The following IGF2R variants were observed in gnomAD, a reference collection of about 807,000 sequenced individuals.
IGF2R encodes cation-independent mannose-6-phosphate receptor.
Under a neutral mutation model 270.6 loss-of-function variants are expected in IGF2R, and 91 were observed. The ratio of observed to expected loss-of-function variants is 0.34; its 90% CI spans 0.28 to 0.40. IGF2R has a LOEUF of 0.40. Among genes scored for constraint, IGF2R ranks in the 10% least tolerant of loss-of-function variants. The pLI, the probability that IGF2R is intolerant of heterozygous loss-of-function variation, is 1.00. For synonymous variants in IGF2R, 1,316 were observed against 1,258.9 expected (o/e 1.05, Z -0.96); for missense variants, 2,805 against 3,188.3 (o/e 0.88, Z 2.90).
In IGF2R at chr6:160,043,303, G is replaced by A; in HGVS notation, c.1621+15G>A. ...GTGTGCAGTGGGTGAGTTGTGCCTG[G>A]ATGGAAGATCTAGGTGATGCTTTTC... On this transcript the variant is annotated intron_variant, in intron 12 of 47. Coordinates refer to ENST00000356956, the MANE Select transcript of IGF2R (RefSeq NM_000876.4). The A allele has an allele frequency of 6.2e-7, 1 of 1,609,492 alleles. No individual in the cohort carries two copies.
intron 29 of IGF2R, among the ~76,000 whole-genome samples, chr6:160,066,107 C>T (rs910644478): frequency 7.9e-5 from 12 of 151,282 alleles, no homozygotes; most frequent in Non-Finnish European, 4.4e-5. Flanking sequence ...CTCCGCCTCC[C>T]GGGTTCAAGT....
intron 1 of IGF2R, among the ~76,000 whole-genome samples, chr6:159,976,251 T>A (rs1783692342): frequency 6.6e-6 from 1 of 152,164 alleles, no homozygotes; most frequent in African/African-American, 2.4e-5. Context: ...ATTTTGGTAA[T>A]CTCTATTTTC....
chr6:160,039,352 A>G (rs1777892339), intron 10 of IGF2R, among the ~76,000 whole-genome samples: 2 of 152,182 alleles, frequency 1.3e-5, no homozygotes. Context: ...TTTTGAGGCT[A>G]CCGTTTTATA....
chr6:160,008,434 C>T (rs8191726), intron 2 of IGF2R, among the ~76,000 whole-genome samples: 213 of 152,230 alleles, frequency 1.4e-3, no homozygotes, highest in African/African-American at 4.8e-3. Context: ...CTATGCCAAC[C>T]CCCATCATGT....
At chr6:159,986,426 GTGTGTTTTT>G (rs1008085664) in intron 1 of IGF2R, among the ~76,000 whole-genome samples, 1 of 111,956 alleles carries the variant, frequency 8.9e-6, no homozygotes, top group African/African-American at 3.3e-5. Flanking sequence ...GTGTGTGTGT[GTGTGTTTTT>G]TTTTTTTTTT....
At chr6:160,093,081 A>G (rs1186442745) in intron 44 of IGF2R, 4 of 152,794 alleles carry the variant, frequency 2.6e-5, no homozygotes, top group Admixed American at 2.6e-4. Flanking sequence ...ACCAAGATGC[A>G]CACAGGGCAG....
rs1474261018 is a variant in IGF2R at position 160,078,191 on chromosome 6, C to A, written c.5317-10C>A. 1 of 1,613,688 alleles carries A rather than the reference C, an allele frequency of 6.2e-7. No individual in the cohort carries two copies. Among genetic ancestry groups the A allele is most frequent in the South Asian group, 1.1e-5 (1 of 91,060 alleles). On this transcript the variant is annotated splice_polypyrimidine_tract_variant and intron_variant, in intron 36 of 47. Transcript: ENST00000356956. Reference sequence around the variant, plus strand: ...GGGGTTTTTAAGACCCGTGCTCTTCCTGGCAACAGGGAACGCCTAAGCTGT... The same window carrying A: ...GGGGTTTTTAAGACCCGTGCTCTTCATGGCAACAGGGAACGCCTAAGCTGT...
At chr6:160,036,265 A>C (rs1441896305) in intron 10 of IGF2R, among the ~76,000 whole-genome samples, 1 of 152,032 alleles carries the variant, frequency 6.6e-6, no homozygotes, top group Non-Finnish European at 1.5e-5. Context: ...CTTCTCCATC[A>C]TTCTCTCATC....
intron 31 of IGF2R, among the ~76,000 whole-genome samples, chr6:160,070,923 C>G (rs933908254): frequency 5.3e-5 from 8 of 152,196 alleles, no homozygotes; most frequent in Non-Finnish European, 7.3e-5. Flanking sequence ...TCATGAGCTG[C>G]TGGGGCCTCT....
At chr6:159,979,230 A>T (rs1328930274) in intron 1 of IGF2R, among the ~76,000 whole-genome samples, 3 of 152,208 alleles carry the variant, frequency 2.0e-5, no homozygotes, top group Non-Finnish European at 4.4e-5. Context: ...CTCCAGAATC[A>T]GTTATACATT....
intron 45 of IGF2R, among the ~76,000 whole-genome samples, chr6:160,097,485 A>G (rs972669782): frequency 1.3e-5 from 2 of 152,056 alleles, no homozygotes; most frequent in African/African-American, 4.8e-5. Flanking sequence ...ATGTGTCATT[A>G]TGCCCTGCTA....
At chr6:160,021,747 G>A (rs1320330487) in intron 4 of IGF2R, among the ~76,000 whole-genome samples, 2 of 152,000 alleles carry the variant, frequency 1.3e-5, no homozygotes, top group Middle Eastern at 3.4e-3. Flanking sequence ...TGGCAGAGTT[G>A]CAGAAAAAAA....
chr6:160,071,187 T>C (rs936104199), intron 31 of IGF2R, among the ~76,000 whole-genome samples: 11 of 98,588 alleles, frequency 1.1e-4, no homozygotes, highest in African/African-American at 4.1e-4. Flanking sequence ...GAAGGGTGTG[T>C]GGAGGCCCTG....
intron 27 of IGF2R, among the ~76,000 whole-genome samples, chr6:160,064,186 A>G (rs1431383082): frequency 6.6e-6 from 1 of 152,222 alleles, no homozygotes; most frequent in East Asian, 1.9e-4. Context: ...GTCATCATAC[A>G]CGGGTCAGTC....
rs755433857 is a variant in IGF2R at position 160,050,592 on chromosome 6, C to T, written c.2634C>T (p.Ser878=). ...EYVNGSACTT[S]DGRQTTYTTR... ...TGAATGGGTCGGCCTGCACCACCAG[C>T]GATGGCAGACAGACCACATATACCA... is the stretch of plus-strand genomic sequence containing the variant. Residue 878 remains serine, a synonymous_variant, in exon 19 of 48, where the codon AGC becomes AGT. Transcript: ENST00000356956. This position sits in a 1 kb window ranked among gnomAD's most constrained non-coding sequence, Gnocchi z 4.0. 5.8e-5 allele frequency: 94 copies of T among 1,613,860 alleles called. No individual in the cohort carries two copies. The highest frequency in any genetic ancestry group is 3.8e-4 in the Admixed American group (23 of 59,992).
Position 160,029,643 on chromosome 6 carries a change from G to T in IGF2R, c.870G>T (p.Ser290=). Residue 290 remains serine, a synonymous_variant, in exon 7 of 48, where the codon TCG becomes TCT. Transcript: ENST00000356956. ...PAVTITFVCP[S]ERREGTIPKL... ...TGACTATTACATTTGTTTGCCCGTCGGAGCGGAGAGAGGTAAGTGACTCGT... is the reference window on the plus strand; with the variant it reads ...TGACTATTACATTTGTTTGCCCGTCTGAGCGGAGAGAGGTAAGTGACTCGT... 1 of 1,612,176 alleles carries T rather than the reference G, an allele frequency of 6.2e-7. No homozygotes were observed. Among genetic ancestry groups the T allele is most frequent in the Non-Finnish European group, 8.5e-7 (1 of 1,178,260 alleles).
In IGF2R at chr6:160,063,373, G is replaced by T. The variant is rs767942522; in HGVS notation, c.3671-42G>T. 23 of 1,444,068 alleles carry T rather than the reference G, an allele frequency of 1.6e-5. No individual in the cohort carries two copies. The East Asian group carries it at 2.7e-4, about 17-fold the overall frequency. The allele number at this position is 1,444,068 out of a possible 1,614,324, so 89.5% of individuals were successfully genotyped here. A position where few individuals can be genotyped will look rare whatever the true frequency, so the allele number is the denominator to read the frequency against. ...TTTTTGCTTGAAAATGTGAATGCGT[G>T]TGTGGTTGCAGTTGCCCTTCACTTC... is the stretch of plus-strand genomic sequence containing the variant. On this transcript the variant is annotated intron_variant, in intron 26 of 47. Coordinates refer to ENST00000356956, the MANE Select transcript of IGF2R (RefSeq NM_000876.4).
chr6:160,038,514 T>C (rs1284152985), intron 10 of IGF2R, among the ~76,000 whole-genome samples: 1 of 152,258 alleles, frequency 6.6e-6, no homozygotes, highest in Non-Finnish European at 1.5e-5. Flanking sequence ...CGATTTGTAG[T>C]AGTATTTAAT....
At chr6:160,099,729 C>T (rs891267907) in intron 45 of IGF2R, among the ~76,000 whole-genome samples, 4 of 152,146 alleles carry the variant, frequency 2.6e-5, no homozygotes, top group African/African-American at 7.2e-5. Context: ...CTCCCATAGT[C>T]GCTTCACGGA....
Sources: allele counts gnomAD v4.1 joint callset (sites outside exome capture counted in the v4.1 genomes callset), GRCh38; gene constraint gnomAD v4.1.1; non-coding constraint Gnocchi (gnomAD v3.1); transcripts MANE v1.5; gene names NCBI Gene and HGNC (gene_info 2026-07-23, HGNC 2026-07-21).